The following LRMDA variants were observed in gnomAD, a reference collection of about 807,000 sequenced individuals.
LRMDA encodes the protein leucine rich melanocyte differentiation associated.
In LRMDA, 18 loss-of-function variants were observed where a neutral mutation model predicts 29.8. That is an observed-to-expected ratio of 0.60 (90% CI 0.42 to 0.90). The LOEUF (loss-of-function observed/expected upper bound fraction) is 0.90. Among genes scored for constraint, LRMDA ranks in the 40% least tolerant of loss-of-function variants. LRMDA has a pLI of 0.00. For missense variants in LRMDA, 273 were observed against 273.9 expected, an observed-to-expected ratio of 1.00 and a Z score of 0.02; for synonymous variants, 125 against 109.4, an observed-to-expected ratio of 1.14 and a Z score of -0.89.
chr10:76,494,039 A>G (rs1842859048), intron 6 of LRMDA, among the ~76,000 whole-genome samples: 1 of 151,928 alleles, frequency 6.6e-6, no homozygotes. Flanking sequence ...ACTTACATAA[A>G]CTCATTTTAT....
intron 2 of LRMDA, among the ~76,000 whole-genome samples, chr10:75,768,690 A>G (rs1242616233): frequency 6.6e-6 from 1 of 152,166 alleles, no homozygotes; most frequent in Non-Finnish European, 1.5e-5. Flanking sequence ...GGAAAAGACT[A>G]CTGTTACATC....
intron 5 of LRMDA, among the ~76,000 whole-genome samples, chr10:76,105,727 T>C (rs1375632584): frequency 6.6e-6 from 1 of 152,124 alleles, no homozygotes; most frequent in South Asian, 2.1e-4. Context: ...CCTCCGGAAC[T>C]GGGAAGGAAT....
rs1267842147 is a variant in LRMDA at position 76,466,151 on chromosome 10, A to G, written c.602-91058A>G. ...ATAGTAATTGCAAGAAGCAACTACC[A>G]TAACCTTAGGACTAGAGGAATAAAA... On this transcript the variant is annotated intron_variant, in intron 6 of 6. Transcript: ENST00000611255. Among the ~76,000 whole-genome samples, 6 of 152,328 alleles carry G rather than the reference A, an allele frequency of 3.9e-5. No homozygotes were observed. In the East Asian group the frequency reaches 1.2e-3, roughly 29 times the overall value.
At chr10:76,102,701 G>A (rs1459049443) in intron 5 of LRMDA, among the ~76,000 whole-genome samples, 2 of 152,092 alleles carry the variant, frequency 1.3e-5, no homozygotes, top group East Asian at 1.9e-4. Context: ...CACCCAAGCT[G>A]TACTGCAGTG....
intron 2 of LRMDA, among the ~76,000 whole-genome samples, chr10:75,991,739 G>A (rs1230573809): frequency 2.6e-5 from 4 of 152,098 alleles, no homozygotes; most frequent in Non-Finnish European, 4.4e-5. Flanking sequence ...TTGTTTGTTT[G>A]TTTTAAGAAG....
intron 2 of LRMDA, among the ~76,000 whole-genome samples, chr10:75,797,265 T>G (rs1336571912): frequency 6.6e-6 from 1 of 152,320 alleles, no homozygotes; most frequent in East Asian, 1.9e-4. Context: ...ATTTATAGTG[T>G]TACCATATTA....
At position 75,482,216 on chromosome 10, in the gene LRMDA, T is replaced by G. The variant is rs944141908; in HGVS notation, c.131+43722T>G. On this transcript the variant is annotated intron_variant, in intron 2 of 6. Transcript: ENST00000611255. Reference sequence around the variant, plus strand: ...AGGGAAGAGCATACCAGTTCTGAGCTAGACCTTAGAATTGCATCTTCTGTT... The same window carrying G: ...AGGGAAGAGCATACCAGTTCTGAGCGAGACCTTAGAATTGCATCTTCTGTT... Among the ~76,000 whole-genome samples, 17 of 152,262 alleles carry G rather than the reference T, an allele frequency of 1.1e-4. No individual in the cohort carries two copies. In the East Asian group the frequency reaches 2.9e-3, roughly 26 times the overall value.
intron 2 of LRMDA, among the ~76,000 whole-genome samples, chr10:75,567,582 G>A (rs1205613611): frequency 3.3e-5 from 5 of 152,236 alleles, no homozygotes; most frequent in African/African-American, 9.6e-5. Flanking sequence ...CATTCAAAAC[G>A]GGATTTTTGC....
chr10:76,291,522 C>T (rs996497438), intron 5 of LRMDA, among the ~76,000 whole-genome samples: 3 of 152,084 alleles, frequency 2.0e-5, no homozygotes, highest in African/African-American at 4.8e-5. Flanking sequence ...CTGGAAGGCC[C>T]AAGGGGTGGG....
intron 2 of LRMDA, among the ~76,000 whole-genome samples, chr10:75,637,014 A>G (rs1589142298): frequency 1.3e-5 from 2 of 152,222 alleles, no homozygotes; most frequent in East Asian, 3.9e-4. Flanking sequence ...ATATGCATTG[A>G]CTCATTTACT....
rs561531574 is a variant in LRMDA, at chr10:75,449,092, C to G, written c.131+10598C>G. ...ATTTGAACCCAGGAGGCGGAAGTTG[C>G]AGTGAGCCAAGATCGTGCCACTGCA... On this transcript the variant is annotated intron_variant, in intron 2 of 6. Transcript: ENST00000611255. Among the ~76,000 whole-genome samples the G allele has an allele frequency of 2.1e-5, 3 of 144,032 alleles. No homozygotes were observed. The South Asian group carries it at 6.4e-4, about 31-fold the overall frequency. 94.5% of individuals were successfully genotyped at this position (144,032 alleles called of 152,430 possible).
chr10:76,208,043 C>G (rs1851569174), intron 5 of LRMDA, among the ~76,000 whole-genome samples: 2 of 152,128 alleles, frequency 1.3e-5, no homozygotes, highest in Non-Finnish European at 2.9e-5. Context: ...CTCAGCTGCT[C>G]TCACCAAGAT....
At chr10:75,710,458 T>A (rs1255337726) in intron 2 of LRMDA, among the ~76,000 whole-genome samples, 1 of 152,240 alleles carries the variant, frequency 6.6e-6, no homozygotes, top group Non-Finnish European at 1.5e-5. Context: ...ACTCATTTGG[T>A]AGCTGAATAA....
intron 6 of LRMDA, among the ~76,000 whole-genome samples, chr10:76,491,713 C>G (rs1842835389): frequency 6.6e-6 from 1 of 151,870 alleles, no homozygotes; most frequent in Non-Finnish European, 1.5e-5. Context: ...ATATTGATAG[C>G]TTTCTCTAGT....
At chr10:76,363,176 A>AGAAAGAAAGGAAGGAGGGAG (rs1459442138) in intron 6 of LRMDA, among the ~76,000 whole-genome samples, 1 of 21,750 alleles carries the variant, frequency 4.6e-5, no homozygotes, top group African/African-American at 1.5e-4. Context: ...AAAGAAAGAA[A>AGAAAGAAAGGAAGGAGGGAG]GGAGGGAGGG....
At chr10:75,720,050 C>T (rs535369766) in intron 2 of LRMDA, among the ~76,000 whole-genome samples, 8 of 152,278 alleles carry the variant, frequency 5.3e-5, no homozygotes, top group African/African-American at 1.7e-4. Flanking sequence ...AGAGAAACGG[C>T]AAACTTCTTG....
chr10:76,200,248 G>T (rs1282316115), intron 5 of LRMDA, among the ~76,000 whole-genome samples: 1 of 152,198 alleles, frequency 6.6e-6, no homozygotes, highest in African/African-American at 2.4e-5. Flanking sequence ...ACAGGCATGA[G>T]CCACTGCATC....
At chr10:76,044,442 T>G (rs1589301042) in intron 3 of LRMDA, among the ~76,000 whole-genome samples, 1 of 51,106 alleles carries the variant, frequency 2.0e-5, no homozygotes, top group Non-Finnish European at 5.1e-5. Flanking sequence ...TTTCTTTGTT[T>G]TTTTTTTTTT....
intron 5 of LRMDA, among the ~76,000 whole-genome samples, chr10:76,150,565 G>T (rs1159648264): frequency 2.0e-5 from 3 of 152,186 alleles, no homozygotes; most frequent in Non-Finnish European, 4.4e-5. Flanking sequence ...AAGGTTAAAT[G>T]AAGTCTTCAC....
Sources: gnomAD v4.1 joint callset for allele counts (sites outside exome capture counted in the v4.1 genomes callset) on GRCh38, gnomAD v4.1.1 for gene constraint, MANE v1.5 for transcripts, NCBI Gene and HGNC (gene_info 2026-07-23, HGNC 2026-07-21) for gene names.